The following LOC128462377 variants were observed in gnomAD, a reference collection of about 807,000 sequenced individuals.
the LOC128462377 span, among the ~76,000 whole-genome samples, chr16:89,317,251 AG>A: frequency 6.6e-6 from 1 of 152,212 alleles, no homozygotes; most frequent in Non-Finnish European, 1.5e-5. Flanking sequence ...CCTCCCATAA[AG>A]GGGTCACCAG....
the LOC128462377 span, chr16:89,323,304 C>G: frequency 7.8e-7 from 1 of 1,288,960 alleles, no homozygotes; most frequent in East Asian, 5.6e-5. Flanking sequence ...GTGACACACC[C>G]TATGACCCAC....
chr16:89,335,872 C>T, the LOC128462377 span, among the ~76,000 whole-genome samples: 156 of 152,292 alleles, frequency 1.0e-3, 1 homozygote, highest in South Asian at 0.02. Flanking sequence ...CTAGGAGAAA[C>T]GCAGGGCAGG....
At chr16:89,361,623 C>G in the LOC128462377 span, 1 of 152,234 alleles carries the variant, frequency 6.6e-6, no homozygotes, top group Admixed American at 6.5e-5. Context: ...GAATGCCGCT[C>G]TGAGGGCAGT....
chr16:89,329,463 A>G, the LOC128462377 span, among the ~76,000 whole-genome samples: 1 of 152,232 alleles, frequency 6.6e-6, no homozygotes, highest in African/African-American at 2.4e-5. Context: ...AATAGTCTAT[A>G]CTTTTAGGTG....
the LOC128462377 span, among the ~76,000 whole-genome samples, chr16:89,333,176 T>C: frequency 6.6e-6 from 1 of 152,248 alleles, no homozygotes; most frequent in Admixed American, 6.5e-5. Flanking sequence ...TTTTGGGTCA[T>C]GCCTAAGGTC....
At chr16:89,324,715 G>A in the LOC128462377 span, 1 of 323,238 alleles carries the variant, frequency 3.1e-6, no homozygotes, top group South Asian at 2.4e-5. Flanking sequence ...CAGCTTTTGG[G>A]TTCTTGGACC....
At chr16:89,372,683 G>A in the LOC128462377 span, among the ~76,000 whole-genome samples, 3 of 152,120 alleles carry the variant, frequency 2.0e-5, no homozygotes, top group Non-Finnish European at 4.4e-5. Context: ...AGGAGGAGAT[G>A]GATCAACCCG....
At chr16:89,384,874 G>GTTTTTTTT in the LOC128462377 span, among the ~76,000 whole-genome samples, 8 of 72,758 alleles carry the variant, frequency 1.1e-4, no homozygotes, top group African/African-American at 4.5e-4. Context: ...ATGAGAAATA[G>GTTTTTTTT]TTTTCTTTTT....
the LOC128462377 span, among the ~76,000 whole-genome samples, chr16:89,336,066 G>A: frequency 8.1e-4 from 124 of 152,348 alleles, no homozygotes; most frequent in African/African-American, 2.4e-3. Context: ...ATTCCTGCCA[G>A]TTGGTTTGAA....
At chr16:89,344,777 C>T in the LOC128462377 span, among the ~76,000 whole-genome samples, 3 of 152,110 alleles carry the variant, frequency 2.0e-5, no homozygotes, top group Non-Finnish European at 4.4e-5. Flanking sequence ...GAGGGCCAGA[C>T]GTGAGGCCAG....
At chr16:89,375,584 C>T in the LOC128462377 span, among the ~76,000 whole-genome samples, 4 of 152,012 alleles carry the variant, frequency 2.6e-5, no homozygotes, top group African/African-American at 7.2e-5. Context: ...CTCAGCCTCC[C>T]GAGTGATTAC....
the LOC128462377 span, among the ~76,000 whole-genome samples, chr16:89,345,056 G>A: frequency 2.6e-5 from 4 of 152,162 alleles, no homozygotes; most frequent in Non-Finnish European, 4.4e-5. Context: ...GGGAAGCCCA[G>A]CTCGGATGGT....
At chr16:89,334,084 G>C in the LOC128462377 span, among the ~76,000 whole-genome samples, 1 of 148,584 alleles carries the variant, frequency 6.7e-6, no homozygotes, top group Non-Finnish European at 1.5e-5. Context: ...GGCTGAGGTG[G>C]GTGGATCACT....
chr16:89,341,689 C>G, the LOC128462377 span, among the ~76,000 whole-genome samples: 1 of 152,252 alleles, frequency 6.6e-6, no homozygotes, highest in East Asian at 1.9e-4. Flanking sequence ...TCCCCTCACA[C>G]ACCTATTCAT....
At chr16:89,357,010 C>G in the LOC128462377 span, among the ~76,000 whole-genome samples, 1 of 152,130 alleles carries the variant, frequency 6.6e-6, no homozygotes, top group East Asian at 1.9e-4. Flanking sequence ...GGGCATGTCC[C>G]AATGCTAATG....
At chr16:89,399,942 C>T in the LOC128462377 span, among the ~76,000 whole-genome samples, 1 of 152,158 alleles carries the variant, frequency 6.6e-6, no homozygotes, top group Non-Finnish European at 1.5e-5. Context: ...CAGAGTAAGC[C>T]GAGTGACACA....
chr16:89,393,199 ACGCCAGCCTCATTCACCTG>A, the LOC128462377 span, among the ~76,000 whole-genome samples: 2 of 152,062 alleles, frequency 1.3e-5, no homozygotes, highest in African/African-American at 4.8e-5. Flanking sequence ...TGAGAGCACG[ACGCCAGCCTCATTCACCTG>A]TTCCCACAGG....
chr16:89,339,529 T>G, the LOC128462377 span, among the ~76,000 whole-genome samples: 1 of 152,224 alleles, frequency 6.6e-6, no homozygotes, highest in African/African-American at 2.4e-5. Flanking sequence ...ACAAACCATT[T>G]CGGAAATTTA....
At chr16:89,358,745 C>A in the LOC128462377 span, among the ~76,000 whole-genome samples, 1 of 152,208 alleles carries the variant, frequency 6.6e-6, no homozygotes, top group African/African-American at 2.4e-5. Context: ...GCACCCAGCC[C>A]TAGATAACCC....
Sources: gnomAD v4.1 joint callset for allele counts (sites outside exome capture counted in the v4.1 genomes callset) on GRCh38, gnomAD v4.1.1 for gene constraint, MANE v1.5 for transcripts.